IL2RA: variants seen among roughly 807,000 people sequenced by gnomAD.
IL2RA encodes interleukin 2 receptor subunit alpha.
A neutral mutation model predicts 37.8 loss-of-function variants in IL2RA; 24 were observed. The observed-to-expected ratio is 0.63, with a 90% confidence interval of 0.46 to 0.89. IL2RA has a LOEUF of 0.89. Ranked by LOEUF, IL2RA falls within the 40% of genes least tolerant of loss-of-function variation. The pLI is 0.00. For synonymous variants in IL2RA, 125 were observed against 114.6 expected, an observed-to-expected ratio of 1.09 and a Z score of -0.58; for missense variants, 319 against 348.6, an observed-to-expected ratio of 0.92 and a Z score of 0.68.
Position 6,010,728 on chromosome 10 carries a change from A to C in IL2RA, c.*2144T>G, listed in dbSNP as rs757107768. 6.6e-6 allele frequency: 1 copy of C among 152,206 alleles called. No individual in the cohort carries two copies. Among genetic ancestry groups the C allele is most frequent in the Non-Finnish European group, 1.5e-5 (1 of 68,044 alleles). The allele number at this position is 152,206 out of a possible 1,614,324, so 9.4% of individuals were successfully genotyped here. On this transcript the variant is annotated 3_prime_UTR_variant, in exon 8 of 8. Transcript: ENST00000379959. Reference sequence around the variant, plus strand: ...CATTTATTCTTTTATAAACAATAGCAATAAATTTATTATATGTTAACAGCA... The same window carrying C: ...CATTTATTCTTTTATAAACAATAGCCATAAATTTATTATATGTTAACAGCA...
At position 6,046,492 on chromosome 10, in the gene IL2RA, G is replaced by A. The variant is rs970622202; in HGVS notation, c.64+15596C>T. ...GATGGAGTGGACAGCATAGAGCAGA[G>A]AGCTTACGGTTGTAGGTTACGTGGT... On this transcript the variant is annotated intron_variant, in intron 1 of 7. Transcript: ENST00000379959. The surrounding 1 kb of genome is among the most constrained non-coding windows in gnomAD (Gnocchi z 4.8). Among the ~76,000 whole-genome samples the A allele has an allele frequency of 1.3e-5, 2 of 152,188 alleles. No individual in the cohort carries two copies. Among genetic ancestry groups the A allele is most frequent in the Non-Finnish European group, 1.5e-5 (1 of 68,042 alleles).
rs1447716128 is a variant in IL2RA at position 6,046,062 on chromosome 10, A to C, written c.64+16026T>G. On this transcript the variant is annotated intron_variant, in intron 1 of 7. Coordinates refer to ENST00000379959, the MANE Select transcript of IL2RA (RefSeq NM_000417.3). The surrounding 1 kb of genome is among the most constrained non-coding windows in gnomAD (Gnocchi z 4.8). ...CAGAACCCTCTCCAGAGCTCTCCTCAGGGGTTCCCAGCAGCCAGGCTCACT... is the reference window on the plus strand; with the variant it reads ...CAGAACCCTCTCCAGAGCTCTCCTCCGGGGTTCCCAGCAGCCAGGCTCACT... Among the ~76,000 whole-genome samples the C allele has an allele frequency of 6.6e-6, 1 of 152,168 alleles. No individual in the cohort carries two copies. Among genetic ancestry groups the C allele is most frequent in the Non-Finnish European group, 1.5e-5 (1 of 68,016 alleles).
At chr10:6,016,062 TC>T (rs978801501) in intron 7 of IL2RA, among the ~76,000 whole-genome samples, 21 of 152,200 alleles carry the variant, frequency 1.4e-4, no homozygotes, top group South Asian at 4.2e-4. Flanking sequence ...TTTGAATACA[TC>T]CCCCAGAGCT....
chr10:6,055,151 C>T (rs1212331890), intron 1 of IL2RA, among the ~76,000 whole-genome samples: 1 of 152,216 alleles, frequency 6.6e-6, no homozygotes, highest in Non-Finnish European at 1.5e-5. Flanking sequence ...GCGGTAACCC[C>T]TGACCTCCCG....
chr10:6,024,786 G>A (rs928002368), intron 2 of IL2RA, among the ~76,000 whole-genome samples: 4 of 152,174 alleles, frequency 2.6e-5, no homozygotes, highest in African/African-American at 9.7e-5. Flanking sequence ...TGCTCCCTAA[G>A]GCTGTTCAGA....
rs1839894828 is a variant in IL2RA, at chr10:6,048,104, G to T, written c.64+13984C>A. ...CTCCCTCATGTGCTGGCTGCATCCT[G>T]CTCCCGTGGCCCCTGACCCTCAACT... On this transcript the variant is annotated intron_variant, in intron 1 of 7. Transcript: ENST00000379959. The surrounding 1 kb of genome is among the most constrained non-coding windows in gnomAD (Gnocchi z 5.3). Among the ~76,000 whole-genome samples, 1 of 152,214 alleles carries T rather than the reference G, an allele frequency of 6.6e-6. No individual in the cohort carries two copies. The highest frequency in any genetic ancestry group is 2.4e-5 in the African/African-American group (1 of 41,464).
chr10:6,024,490 T>C, intron 2 of IL2RA, 136 bp from the exon 3 acceptor site: 1 of 707,540 alleles, frequency 1.4e-6, no homozygotes, highest in East Asian at 2.7e-5. Context: ...CTGCTGAGCT[T>C]ACAAATACGA....
At position 6,033,129 on chromosome 10, in the gene IL2RA, C is replaced by T. The variant is rs575010196; in HGVS notation, c.65-7104G>A. ...TGGTGGCTCACGCCTGTAATCTCAG[C>T]ACTTTAGGAGGCTGAGACAGGTGGA... On this transcript the variant is annotated intron_variant, in intron 1 of 7. Transcript: ENST00000379959. The surrounding 1 kb of genome is among the most constrained non-coding windows in gnomAD (Gnocchi z 4.3). Among the ~76,000 whole-genome samples the T allele has an allele frequency of 1.6e-4, 24 of 152,222 alleles. No individual in the cohort carries two copies. The highest frequency in any genetic ancestry group is 5.3e-4 in the African/African-American group (22 of 41,538).
In IL2RA at chr10:6,053,513, C is replaced by T. The variant is rs115571735; in HGVS notation, c.64+8575G>A. Among the ~76,000 whole-genome samples the T allele has an allele frequency of 3.7e-3, 568 of 152,288 alleles. 6 individuals are homozygous for T. The highest frequency in any genetic ancestry group is 0.012 in the African/African-American group (510 of 41,554). ...TCAGTATCGGAGTTGGTGCATGGGC[C>T]GGCTTTAACCAGTCATGTTTCCTAG... On this transcript the variant is annotated intron_variant, in intron 1 of 7. Transcript: ENST00000379959.
intron 1 of IL2RA, among the ~76,000 whole-genome samples, chr10:6,041,466 G>A (rs1453556657): frequency 6.6e-6 from 1 of 151,950 alleles, no homozygotes; most frequent in Non-Finnish European, 1.5e-5. Flanking sequence ...ACACAAACCA[G>A]TAGAAGGAAA....
chr10:6,031,494 G>GTA (rs61619651), intron 1 of IL2RA, among the ~76,000 whole-genome samples: 2 of 27,474 alleles, frequency 7.3e-5, no homozygotes, highest in South Asian at 2.8e-3. Flanking sequence ...ATATATATAT[G>GTA]TATATATATA....
chr10:6,051,834 TATATATATAG>T (rs1839966625), intron 1 of IL2RA, among the ~76,000 whole-genome samples: 1 of 119,616 alleles, frequency 8.4e-6, no homozygotes, highest in African/African-American at 3.1e-5. Flanking sequence ...TATATATATA[TATATATATAG>T]AATTTTTTAA....
chr10:6,052,899 T>A (rs1230986595), intron 1 of IL2RA, among the ~76,000 whole-genome samples: 1 of 151,994 alleles, frequency 6.6e-6, no homozygotes, highest in Non-Finnish European at 1.5e-5. Context: ...GCCCCCAAGC[T>A]GCTCTGGGGG....
In IL2RA at chr10:6,052,716, G is replaced by A. The variant is rs79496268; in HGVS notation, c.64+9372C>T. On this transcript the variant is annotated intron_variant, in intron 1 of 7. Transcript: ENST00000379959. ...TATTGCTGAGAGTACAGAAAGCAGCGGCTTCTGAAGGAGGTATCTATTTTG... is the reference window on the plus strand; with the variant it reads ...TATTGCTGAGAGTACAGAAAGCAGCAGCTTCTGAAGGAGGTATCTATTTTG... Among the ~76,000 whole-genome samples, 594 of 152,222 alleles carry A rather than the reference G, an allele frequency of 3.9e-3. 3 individuals carry two copies. Among genetic ancestry groups the A allele is most frequent in the Non-Finnish European group, 6.6e-3 (446 of 68,010 alleles).
chr10:6,046,228 G>A lies in IL2RA; in HGVS notation c.64+15860C>T, dbSNP rs963370223. Among the ~76,000 whole-genome samples the A allele has an allele frequency of 8.5e-5, 13 of 152,192 alleles. No individual in the cohort carries two copies. The highest frequency in any genetic ancestry group is 3.1e-4 in the African/African-American group (13 of 41,448). ...TTGACAGGGATCATGCCTTTTCACA[G>A]ACAATGACAATCCAAATGTGGAAAC... is the stretch of plus-strand genomic sequence containing the variant. On this transcript the variant is annotated intron_variant, in intron 1 of 7. Transcript: ENST00000379959. The surrounding 1 kb of genome is among the most constrained non-coding windows in gnomAD (Gnocchi z 4.8).
rs1338401831 is a variant in IL2RA, at chr10:6,031,446, A to G, written c.65-5421T>C. ...TTTAGCAAGTTAGCAATTTCAGTAT[A>G]TATATATACATATATATATATATAT... is the stretch of plus-strand genomic sequence containing the variant. On this transcript the variant is annotated intron_variant, in intron 1 of 7. Coordinates refer to ENST00000379959, the MANE Select transcript of IL2RA (RefSeq NM_000417.3). Among the ~76,000 whole-genome samples, 48 of 51,308 alleles carry G rather than the reference A, an allele frequency of 9.4e-4. 2 individuals are homozygous for G. Among genetic ancestry groups the G allele is most frequent in the Non-Finnish European group, 1.1e-3 (33 of 31,328 alleles). The allele number at this position is 51,308 out of a possible 152,430, so 33.7% of individuals were successfully genotyped here. A position where few individuals can be genotyped will look rare whatever the true frequency, so the allele number is the denominator to read the frequency against.
rs542223701 is a variant in IL2RA, at chr10:6,044,873, G to C, written c.64+17215C>G. Among the ~76,000 whole-genome samples the C allele has an allele frequency of 3.2e-4, 49 of 152,338 alleles. 1 individual carries two copies. Among genetic ancestry groups the C allele is most frequent in the African/African-American group, 1.2e-3 (49 of 41,574 alleles). On this transcript the variant is annotated intron_variant, in intron 1 of 7. Coordinates refer to ENST00000379959, the MANE Select transcript of IL2RA (RefSeq NM_000417.3). This position sits in a 1 kb window ranked among gnomAD's most constrained non-coding sequence, Gnocchi z 4.5. ...TGGTAGGTTCTGAATGAGTAGTTGA[G>C]TGTATTAGCATTAGCACTGGTGCTG...
intron 7 of IL2RA, among the ~76,000 whole-genome samples, chr10:6,017,394 C>G (rs1839297430): frequency 6.6e-6 from 1 of 152,048 alleles, no homozygotes; most frequent in Admixed American, 6.6e-5. Flanking sequence ...TGTTGCAGTG[C>G]TGGCCTCTGC....
At position 6,058,359 on chromosome 10, in the gene IL2RA, G is replaced by T. The variant is rs929347248; in HGVS notation, c.64+3729C>A. On this transcript the variant is annotated intron_variant, in intron 1 of 7. Coordinates refer to ENST00000379959, the MANE Select transcript of IL2RA (RefSeq NM_000417.3). The surrounding 1 kb of genome is among the most constrained non-coding windows in gnomAD (Gnocchi z 4.2). ...CTTTTTCAATTCTCACATCTAAAAT[G>T]AAGTATATGCACAGGTGATTTATCA... Among the ~76,000 whole-genome samples the T allele has an allele frequency of 3.9e-5, 6 of 152,162 alleles. No homozygotes were observed. Among genetic ancestry groups the T allele is most frequent in the Non-Finnish European group, 8.8e-5 (6 of 68,028 alleles).
Sources: allele counts gnomAD v4.1 joint callset (sites outside exome capture counted in the v4.1 genomes callset), GRCh38; gene constraint gnomAD v4.1.1; non-coding constraint Gnocchi (gnomAD v3.1); transcripts MANE v1.5; gene names NCBI Gene and HGNC (gene_info 2026-07-23, HGNC 2026-07-21).